HK1: variants seen among roughly 807,000 people sequenced by gnomAD.
The protein encoded by HK1 is hexokinase-1.
Under a neutral mutation model 91.6 loss-of-function variants are expected in HK1, and 28 were observed. The ratio of observed to expected loss-of-function variants is 0.31; its 90% confidence interval spans 0.23 to 0.42. The LOEUF is 0.42. Among genes scored for constraint, HK1 ranks in the 10% least tolerant of loss-of-function variants. The pLI is 1.00. For missense variants in HK1, 770 were observed against 1,219.8 expected, an observed-to-expected ratio of 0.63 and a Z score of 5.49; for synonymous variants, 430 against 468.1, an observed-to-expected ratio of 0.92 and a Z score of 1.05.
intron 9 of HK1, among the ~76,000 whole-genome samples, chr10:69,381,951 G>T (rs1406781812): frequency 6.6e-6 from 1 of 152,184 alleles, no homozygotes; most frequent in Non-Finnish European, 1.5e-5. Context: ...GGAATTTTTT[G>T]TATGTGATAC....
In HK1 at chr10:69,382,730, G is replaced by T; in HGVS notation, c.1509G>T (p.Thr503=). 1.2e-6 allele frequency: 2 copies of T among 1,613,384 alleles called. No individual in the cohort carries two copies. Among genetic ancestry groups the T allele is most frequent in the Admixed American group, 1.7e-5 (1 of 59,992 alleles). Residue 503 remains threonine, a synonymous_variant, in exon 10 of 18, where the codon ACG becomes ACT. Transcript: ENST00000359426. ...TGGAGCTGGGGCTGAGGAAGCAGACGCACAACAATGCCGTGGTTAAGATGC... is the reference window on the plus strand; with the variant it reads ...TGGAGCTGGGGCTGAGGAAGCAGACTCACAACAATGCCGTGGTTAAGATGC... The part of the protein sequence containing the change: ...AEMELGLRKQ[T]HNNAVVKMLP...
At chr10:69,389,554 GGAAT>G (rs1839802743) in intron 14 of HK1, among the ~76,000 whole-genome samples, 1 of 152,158 alleles carries the variant, frequency 6.6e-6, no homozygotes, top group African/African-American at 2.4e-5. Flanking sequence ...GAACTCTTCA[GGAAT>G]GAGGACCCAA....
intron 9 of HK1, 61 bp from the exon 10 acceptor site, chr10:69,382,426 C>T (rs372647632): frequency 2.5e-5 from 38 of 1,530,962 alleles, no homozygotes; most frequent in Middle Eastern, 3.4e-4. Flanking sequence ...AAAGGGTGGC[C>T]GGAGGTCCCC....
At chr10:69,325,044 A>ATTTTTTTTT (rs1046990181) in intron 1 of HK1, among the ~76,000 whole-genome samples, 4 of 93,904 alleles carry the variant, frequency 4.3e-5, no homozygotes, top group African/African-American at 8.5e-5. Context: ...AAAAATGTGT[A>ATTTTTTTTT]TTTTTTTTTT....
In HK1 at chr10:69,386,167, A is replaced by G. The variant is rs1052888908; in HGVS notation, c.1840-156A>G. ...CCTATGAGGATGGTGAGGAGGGTCT[A>G]TTCATATTTTATTGGTTTGTCCTCA... On this transcript the variant is annotated intron_variant, in intron 12 of 17. Coordinates refer to ENST00000359426, the MANE Select transcript of HK1 (RefSeq NM_000188.3). Among the ~76,000 whole-genome samples, 8 of 152,152 alleles carry G rather than the reference A, an allele frequency of 5.3e-5. 1 individual carries two copies. The highest frequency in any genetic ancestry group is 1.2e-4 in the Non-Finnish European group (8 of 68,030).
chr10:69,272,322 C>T (rs184383206), intron 1 of HK1, among the ~76,000 whole-genome samples: 2 of 152,292 alleles, frequency 1.3e-5, no homozygotes, highest in East Asian at 3.9e-4. Context: ...ACGGATATCA[C>T]CTTCTACCTG....
At chr10:69,288,746 G>A (rs1025848067) in exon 3 of HK1, 1 of 1,613,758 alleles carries the variant, frequency 6.2e-7, no homozygotes, top group Non-Finnish European at 8.5e-7. Context: ...TCCCCACAAT[G>A]GGGCAGATCT....
chr10:69,273,509 C>A (rs1174813548), intron 1 of HK1, among the ~76,000 whole-genome samples: 1 of 152,210 alleles, frequency 6.6e-6, no homozygotes, highest in Admixed American at 6.5e-5. Flanking sequence ...AGCCACCGCT[C>A]CCAGCCTAAC....
At chr10:69,291,307 C>T (rs1240155395) in intron 3 of HK1, among the ~76,000 whole-genome samples, 1 of 152,238 alleles carries the variant, frequency 6.6e-6, no homozygotes, top group Non-Finnish European at 1.5e-5. Flanking sequence ...GGGAGAGGAG[C>T]ACAGGTTCTG....
At chr10:69,285,243 G>C (rs925351964) in intron 2 of HK1, among the ~76,000 whole-genome samples, 17 of 151,980 alleles carry the variant, frequency 1.1e-4, no homozygotes, top group African/African-American at 4.1e-4. Flanking sequence ...GACCATCCTG[G>C]CTAACATGGT....
At chr10:69,300,192 A>G (rs59666944) in intron 4 of HK1, among the ~76,000 whole-genome samples, 3,281 of 151,792 alleles carry the variant, frequency 0.022, 213 homozygotes, top group African/African-American at 0.074. Context: ...ATCCCTTCAC[A>G]GTCTTTTCCA....
intron 2 of HK1, among the ~76,000 whole-genome samples, chr10:69,354,210 C>G (rs79750584): frequency 0.046 from 6,928 of 151,528 alleles, 531 homozygotes; most frequent in African/African-American, 0.16. Flanking sequence ...GGTTTTTCCT[C>G]TGTGTGTGTC....
chr10:69,331,572 C>T (rs1305308369), intron 1 of HK1, among the ~76,000 whole-genome samples: 7 of 152,162 alleles, frequency 4.6e-5, no homozygotes, highest in African/African-American at 1.7e-4. Flanking sequence ...TGAAATAGCC[C>T]GTTAATAGTT....
At chr10:69,394,660 C>T (rs1384736720) in intron 15 of HK1, among the ~76,000 whole-genome samples, 2 of 152,022 alleles carry the variant, frequency 1.3e-5, no homozygotes, top group Admixed American at 6.5e-5. Flanking sequence ...GACAGGCTCT[C>T]GGGGAAGTGA....
chr10:69,294,953 C>T (rs36007468), intron 3 of HK1, among the ~76,000 whole-genome samples: 6,918 of 147,540 alleles, frequency 0.047, 206 homozygotes, highest in East Asian at 0.072. Context: ...TGCTTGAGCC[C>T]GGGAGGTCGA....
At chr10:69,338,716 C>G in intron 1 of HK1, 2 of 1,252,914 alleles carry the variant, frequency 1.6e-6, no homozygotes, top group Non-Finnish European at 2.1e-6. Flanking sequence ...TGTGTAAGTA[C>G]TTGTGTGTGT....
chr10:69,288,680 A>C, exon 3 of HK1: 1 of 1,534,054 alleles, frequency 6.5e-7, no homozygotes, highest in Non-Finnish European at 9.0e-7. Flanking sequence ...GGCGTTCAAG[A>C]CCCAGCTGTT....
At chr10:69,289,061 C>T (rs1376800147) in intron 3 of HK1, among the ~76,000 whole-genome samples, 1 of 152,074 alleles carries the variant, frequency 6.6e-6, no homozygotes, top group Admixed American at 6.6e-5. Context: ...GCTGGGATTA[C>T]AAGCCGCTCT....
chr10:69,329,661 ATT>A (rs1258690017), intron 1 of HK1, among the ~76,000 whole-genome samples: 1 of 152,148 alleles, frequency 6.6e-6, no homozygotes, highest in African/African-American at 2.4e-5. Flanking sequence ...TGGTCCCCTG[ATT>A]CAGAAATCCA....
Sources: gnomAD v4.1 joint callset for allele counts (sites outside exome capture counted in the v4.1 genomes callset) on GRCh38, gnomAD v4.1.1 for gene constraint, MANE v1.5 for transcripts, NCBI Gene and HGNC (gene_info 2026-07-23, HGNC 2026-07-21) for gene names.